Variants in FREM1 observed in about 807,000 individuals in gnomAD.
FREM1 encodes the protein FRAS1 related extracellular matrix 1.
In FREM1, 220 loss-of-function variants were observed where a neutral mutation model predicts 210.1. The observed-to-expected ratio is 1.05, with a 90% CI of 0.94 to 1.17. The LOEUF is 1.17. Among genes scored for constraint, FREM1 ranks in the 50% most tolerant of loss-of-function variants. The probability of loss-of-function intolerance (pLI) is 0.00; values close to 1 mark genes in which losing one functional copy is unlikely to be tolerated. For synonymous variants in FREM1, 1,189 were observed against 980.2 expected, an observed-to-expected ratio of 1.21 and a Z score of -3.98; for missense variants, 3,454 against 2,675.5, an observed-to-expected ratio of 1.29 and a Z score of -6.42.
rs1450042072 is a variant in FREM1, at chr9:14,805,110, T to C, written c.3317A>G (p.Tyr1106Cys). ...WKDMNAFHIN[Y>C]VQSRHLRIEP... Reference sequence around the variant, plus strand: ...TATCCTCAGATGCCTGGACTGCACATAGTTAATGTGAAAAGCGTTCATGTC... The same window carrying C: ...TATCCTCAGATGCCTGGACTGCACACAGTTAATGTGAAAAGCGTTCATGTC... Residue 1106 changes from tyrosine to cysteine, a missense_variant, in exon 19 of 37, where the codon TAT becomes TGT. Tyr to Cys is a radical substitution (Grantham distance 194). Transcript: ENST00000380880. The C allele has an allele frequency of 1.2e-6, 2 of 1,600,708 alleles. No individual in the cohort carries two copies. The highest frequency in any genetic ancestry group is 3.4e-5 in the Admixed American group (2 of 59,086).
chr9:14,795,688 G>A lies in FREM1; in HGVS notation c.3839+1810C>T, dbSNP rs574164597. Among the ~76,000 whole-genome samples, 25 of 152,328 alleles carry A rather than the reference G, an allele frequency of 1.6e-4. 2 individuals are homozygous for A. Among genetic ancestry groups the A allele is most frequent in the Middle Eastern group, 3.4e-3 (1 of 294 alleles). ...ATGGCCTTTGGAGTCAAATGGAGTT[G>A]AGTGGGTGCCTAGTGTAAGCTCTTT... is the stretch of plus-strand genomic sequence containing the variant. On this transcript the variant is annotated intron_variant, in intron 21 of 36. Coordinates refer to ENST00000380880, the MANE Select transcript of FREM1 (RefSeq NM_001379081.2).
At chr9:14,876,731 T>C (rs1394364882) in intron 1 of FREM1, among the ~76,000 whole-genome samples, 1 of 152,142 alleles carries the variant, frequency 6.6e-6, no homozygotes, top group Non-Finnish European at 1.5e-5. Flanking sequence ...ATGAACCCGG[T>C]ACCTCAGATG....
chr9:14,876,390 C>T (rs1833748887), intron 1 of FREM1, among the ~76,000 whole-genome samples: 2 of 152,112 alleles, frequency 1.3e-5, no homozygotes, highest in South Asian at 4.1e-4. Flanking sequence ...TGGCGGGCGC[C>T]CCTCCCCCAG....
At chr9:14,757,594 T>C (rs10123193) in intron 28 of FREM1, among the ~76,000 whole-genome samples, 20,784 of 152,138 alleles carry the variant, frequency 0.14, 1,493 homozygotes, top group Non-Finnish European at 0.15. Context: ...ATTTGAAAAA[T>C]AAGTCATCAA....
At chr9:14,829,600 A>G (rs1307316950) in intron 10 of FREM1, among the ~76,000 whole-genome samples, 1 of 152,158 alleles carries the variant, frequency 6.6e-6, no homozygotes, top group Non-Finnish European at 1.5e-5. Flanking sequence ...TCTCATCCAC[A>G]TGATGTTTTC....
At chr9:14,873,628 T>G (rs1018547801) in intron 1 of FREM1, among the ~76,000 whole-genome samples, 6 of 152,172 alleles carry the variant, frequency 3.9e-5, no homozygotes, top group African/African-American at 1.4e-4. Flanking sequence ...GATCCTGGAT[T>G]CATTAATTTT....
intron 1 of FREM1, among the ~76,000 whole-genome samples, chr9:14,896,218 A>G (rs10961776): frequency 0.27 from 41,498 of 152,072 alleles, 8,771 homozygotes; most frequent in African/African-American, 0.59. Context: ...AAATGCCATC[A>G]CAATGTCAGG....
intron 10 of FREM1, among the ~76,000 whole-genome samples, chr9:14,834,717 T>A (rs544281388): frequency 6.6e-6 from 1 of 152,174 alleles, no homozygotes; most frequent in Non-Finnish European, 1.5e-5. Context: ...TTTAGTCACA[T>A]GAGATTGCCA....
At chr9:14,740,382 T>A in intron 35 of FREM1, 148 bp from the exon 36 acceptor site, 1 of 603,098 alleles carries the variant, frequency 1.7e-6, no homozygotes, top group Non-Finnish European at 2.9e-6. Context: ...AGTGCAGTTT[T>A]ATTTAAAAAG....
In FREM1 at chr9:14,836,111, C is replaced by T. The variant is rs1200606156; in HGVS notation, c.1881+5336G>A. On this transcript the variant is annotated intron_variant, in intron 10 of 36. Transcript: ENST00000380880. This position sits in a 1 kb window ranked among gnomAD's most constrained non-coding sequence, Gnocchi z 4.9. The stretch of plus-strand genomic sequence containing the variant: ...CTTTCTTTGTTTGGGAAAATAAAAC[C>T]AAGGAACTTCATAGACCCCCAAAGG... Among the ~76,000 whole-genome samples the T allele has an allele frequency of 6.6e-6, 1 of 152,108 alleles. No individual in the cohort carries two copies. Among genetic ancestry groups the T allele is most frequent in the Non-Finnish European group, 1.5e-5 (1 of 68,030 alleles).
intron 16 of FREM1, among the ~76,000 whole-genome samples, chr9:14,808,870 C>G (rs1025720784): frequency 6.6e-6 from 1 of 152,208 alleles, no homozygotes; most frequent in Non-Finnish European, 1.5e-5. Flanking sequence ...GGGTTACCCA[C>G]TAAGAGCGTG....
intron 3 of FREM1, 111 bp from the exon 4 acceptor site, chr9:14,859,595 A>C (rs1829433270): frequency 1.2e-6 from 1 of 865,794 alleles, no homozygotes; most frequent in Non-Finnish European, 1.8e-6. Context: ...TGTGCCACAG[A>C]TTGAGTTTGG....
At position 14,805,125 on chromosome 9, in the gene FREM1, G is replaced by C; in HGVS notation, c.3302C>G (p.Ala1101Gly). 1 of 1,587,188 alleles carries C rather than the reference G, an allele frequency of 6.3e-7. No homozygotes were observed. Among genetic ancestry groups the C allele is most frequent in the Non-Finnish European group, 8.6e-7 (1 of 1,164,698 alleles). The change falls in exon 19 of 37, where the codon GCT becomes GGT. Residue 1101 changes from alanine to glycine, a missense_variant. Ala to Gly is a moderately conservative substitution (Grantham distance 60). Coordinates refer to ENST00000380880, the MANE Select transcript of FREM1 (RefSeq NM_001379081.2). Reference protein sequence around the residue: ...IDSFQWKDMNAFHINYVQSRH... With the variant: ...IDSFQWKDMNGFHINYVQSRH... ...GGACTGCACATAGTTAATGTGAAAA[G>C]CGTTCATGTCTTTCCACTGAAATGA... is the stretch of plus-strand genomic sequence containing the variant.
At chr9:14,803,160 ATCTT>A (rs199744374) in intron 19 of FREM1, among the ~76,000 whole-genome samples, 4,130 of 82,710 alleles carry the variant, frequency 0.05, 80 homozygotes, top group Middle Eastern at 0.081. Context: ...TCCTTCCTTC[ATCTT>A]TCTTTCTCTC....
At chr9:14,870,015 T>C (rs916244490) in intron 1 of FREM1, among the ~76,000 whole-genome samples, 14 of 152,312 alleles carry the variant, frequency 9.2e-5, no homozygotes, top group African/African-American at 3.4e-4. Flanking sequence ...CATGATGATT[T>C]CTCTGTGTTC....
intron 8 of FREM1, among the ~76,000 whole-genome samples, chr9:14,844,635 C>T (rs1826271488): frequency 6.6e-6 from 1 of 152,174 alleles, no homozygotes; most frequent in African/African-American, 2.4e-5. Flanking sequence ...TGACCAAGAT[C>T]CACTTTATGC....
chr9:14,747,345 C>T lies in FREM1; in HGVS notation c.5928G>A (p.Gln1976=), dbSNP rs1563821268. The change falls in exon 33 of 37, where the codon CAG becomes CAA. Residue 1976 remains glutamine (Q), a synonymous_variant. Coordinates refer to ENST00000380880, the MANE Select transcript of FREM1 (RefSeq NM_001379081.2). ...CTGCCACTTTGATTGTCTTTTGTGG[C>T]TGACTAATGATGGATACTTTGGCCT... ...KRKAKVSIIS[Q]PQKTIKVAEL... 1.9e-6 allele frequency: 3 copies of T among 1,613,706 alleles called. No homozygotes were observed. The highest frequency in any genetic ancestry group is 1.7e-6 in the Non-Finnish European group (2 of 1,179,762).
At chr9:14,878,446 G>A (rs1283845273) in intron 1 of FREM1, among the ~76,000 whole-genome samples, 1 of 152,122 alleles carries the variant, frequency 6.6e-6, no homozygotes, top group Non-Finnish European at 1.5e-5. Context: ...CACACTTGCA[G>A]TGTGGTCACA....
In FREM1 at chr9:14,748,558, C is replaced by T. The variant is rs746840094; in HGVS notation, c.5639G>A (p.Gly1880Glu). The change falls in exon 31 of 37, where the codon GGG (glycine) becomes GAG (glutamate). Residue 1880 changes from glycine (G) to glutamate (E), a missense_variant. By Grantham distance (98) the Gly-to-Glu change is moderately conservative (BLOSUM62 -2). Coordinates refer to ENST00000380880, the MANE Select transcript of FREM1 (RefSeq NM_001379081.2). ...EKGIWHLLPP[G>E]SSSSTTSGSF... ...ACCAGAAGTGGTGGATGAGGAAGAC[C>T]CTGGGGGCAGCAGATGCCAAATGCC... 2 of 1,613,798 alleles carry T rather than the reference C, an allele frequency of 1.2e-6. No individual in the cohort carries two copies. The highest frequency in any genetic ancestry group is 2.2e-5 in the East Asian group (1 of 44,872).
Sources: allele counts gnomAD v4.1 joint callset (sites outside exome capture counted in the v4.1 genomes callset), GRCh38; gene constraint gnomAD v4.1.1; non-coding constraint Gnocchi (gnomAD v3.1); transcripts MANE v1.5; gene names NCBI Gene and HGNC (gene_info 2026-07-23, HGNC 2026-07-21).